The following TRPC6 variants were observed in gnomAD, a reference collection of about 807,000 sequenced individuals.
The protein encoded by TRPC6 is short transient receptor potential channel 6.
Under a neutral mutation model 90.7 loss-of-function variants are expected in TRPC6, and 55 were observed. The ratio of observed to expected loss-of-function variants is 0.61; its 90% CI spans 0.49 to 0.76. The LOEUF (loss-of-function observed/expected upper bound fraction) is 0.76. Among genes scored for constraint, TRPC6 ranks in the 30% least tolerant of loss-of-function variants. TRPC6 has a pLI of 0.00. For missense variants in TRPC6, 989 were observed against 1,122.7 expected (o/e 0.88, Z 1.70); for synonymous variants, 393 against 393.0 (o/e 1.00, Z 0.00).
intron 1 of TRPC6, among the ~76,000 whole-genome samples, chr11:101,555,915 G>A (rs926650568): frequency 6.6e-6 from 1 of 152,118 alleles, no homozygotes; most frequent in African/African-American, 2.4e-5. Context: ...GTAACAGGGG[G>A]ACTTTGGAAA....
At chr11:101,495,193 AAC>A (rs560734447) in intron 2 of TRPC6, among the ~76,000 whole-genome samples, 1 of 152,250 alleles carries the variant, frequency 6.6e-6, no homozygotes, top group Non-Finnish European at 1.5e-5. Context: ...GGGCTAATGA[AAC>A]ACAGTTTAGA....
chr11:101,520,524 C>G (rs1051892696), intron 1 of TRPC6, among the ~76,000 whole-genome samples: 1 of 152,112 alleles, frequency 6.6e-6, no homozygotes, highest in Admixed American at 6.5e-5. Flanking sequence ...GAGGTTGGAA[C>G]AGTTTGGAGG....
chr11:101,454,383 G>T (rs1386285603), intron 11 of TRPC6, among the ~76,000 whole-genome samples: 1 of 151,910 alleles, frequency 6.6e-6, no homozygotes, highest in Non-Finnish European at 1.5e-5. Flanking sequence ...CTAAAGATAT[G>T]ATTTAGTACA....
chr11:101,478,230 G>A (rs554495023), intron 5 of TRPC6, among the ~76,000 whole-genome samples: 4 of 152,318 alleles, frequency 2.6e-5, no homozygotes, highest in South Asian at 2.1e-4. Context: ...GCAGCATAGA[G>A]GACATGGATT....
chr11:101,534,721 C>T (rs1358049257), intron 1 of TRPC6, among the ~76,000 whole-genome samples: 1 of 152,164 alleles, frequency 6.6e-6, no homozygotes, highest in Non-Finnish European at 1.5e-5. Flanking sequence ...AGATGGTTCA[C>T]ATCTTTTTAA....
rs766792604 is a variant in TRPC6, at chr11:101,483,079, A to G, written c.1380T>C (p.Asn460=). ...TTGTGCCTTCAAATCTGTCAGCTGC[A>G]TTCATGACTAGCAGTCCCAGAAAAA... ...FTIFLGLLVM[N]AADRFEGTKL... Residue 460 remains asparagine, a synonymous_variant, in exon 5 of 13, where the codon AAT becomes AAC. Transcript: ENST00000344327. 1 of 1,614,094 alleles carries G rather than the reference A, an allele frequency of 6.2e-7. No individual in the cohort carries two copies. The highest frequency in any genetic ancestry group is 8.5e-7 in the Non-Finnish European group (1 of 1,179,964).
chr11:101,559,489 A>G (rs1420960535), intron 1 of TRPC6, among the ~76,000 whole-genome samples: 1 of 151,906 alleles, frequency 6.6e-6, no homozygotes, highest in Non-Finnish European at 1.5e-5. Context: ...ATCATGACAT[A>G]TCATGAATAC....
At position 101,487,995 on chromosome 11, in the gene TRPC6, G is replaced by A. The variant is rs147244436; in HGVS notation, c.1293+942C>T. Among the ~76,000 whole-genome samples, 818 of 152,196 alleles carry A rather than the reference G, an allele frequency of 5.4e-3. 3 individuals carry two copies. The highest frequency in any genetic ancestry group is 0.019 in the African/African-American group (777 of 41,540). On this transcript the variant is annotated intron_variant, in intron 4 of 12. Coordinates refer to ENST00000344327, the MANE Select transcript of TRPC6 (RefSeq NM_004621.6). Reference sequence around the variant, plus strand: ...TAGTAATGGTGATGTTTGTGTTTGCGCCCACATATTACGAATGTTTGAAAA... The same window carrying A: ...TAGTAATGGTGATGTTTGTGTTTGCACCCACATATTACGAATGTTTGAAAA...
chr11:101,507,886 T>G (rs1309542072), intron 1 of TRPC6, among the ~76,000 whole-genome samples: 1 of 152,166 alleles, frequency 6.6e-6, no homozygotes, highest in African/African-American at 2.4e-5. Context: ...CTGCTTTCAA[T>G]GTACCATTTC....
At chr11:101,574,052 T>G (rs10895144) in intron 1 of TRPC6, among the ~76,000 whole-genome samples, 107,297 of 149,776 alleles carry the variant, frequency 0.72, 39,603 homozygotes, top group East Asian at 0.99. Context: ...CTCAAAACAG[T>G]CTACCTCTAT....
chr11:101,510,044 G>T lies in TRPC6; in HGVS notation c.171-5246C>A, dbSNP rs555631380. Among the ~76,000 whole-genome samples, 3 of 152,256 alleles carry T rather than the reference G, an allele frequency of 2.0e-5. No homozygotes were observed. The South Asian group carries it at 6.2e-4, about 32-fold the overall frequency. On this transcript the variant is annotated intron_variant, in intron 1 of 12. Coordinates refer to ENST00000344327, the MANE Select transcript of TRPC6 (RefSeq NM_004621.6). Reference sequence around the variant, plus strand: ...GGATTCAGCACCCCTTGCATGAGTAGTAAGACACAGTAAAAGCTGCTTGTA... The same window carrying T: ...GGATTCAGCACCCCTTGCATGAGTATTAAGACACAGTAAAAGCTGCTTGTA...
At chr11:101,470,634 T>A (rs1040557096) in intron 9 of TRPC6, among the ~76,000 whole-genome samples, 1 of 152,200 alleles carries the variant, frequency 6.6e-6, no homozygotes, top group African/African-American at 2.4e-5. Context: ...TAAATCTTTT[T>A]ATTTTTTTTA....
At chr11:101,554,663 C>T (rs1220871371) in intron 1 of TRPC6, among the ~76,000 whole-genome samples, 1 of 152,014 alleles carries the variant, frequency 6.6e-6, no homozygotes, top group Non-Finnish European at 1.5e-5. Context: ...ATTTCTTTCC[C>T]TGCATCACCC....
At chr11:101,476,156 C>T in intron 6 of TRPC6, 145 bp downstream of exon 6, 1 of 700,762 alleles carries the variant, frequency 1.4e-6, no homozygotes, top group Non-Finnish European at 2.4e-6. Flanking sequence ...TGCTTCCTCA[C>T]ATATAGATGC....
At chr11:101,508,015 C>T (rs573614846) in intron 1 of TRPC6, among the ~76,000 whole-genome samples, 4 of 151,914 alleles carry the variant, frequency 2.6e-5, no homozygotes, top group Non-Finnish European at 5.9e-5. Flanking sequence ...ATTTCTTCAA[C>T]TTTAGATTAT....
chr11:101,574,316 G>A (rs1172650928), intron 1 of TRPC6, among the ~76,000 whole-genome samples: 1 of 150,794 alleles, frequency 6.6e-6, no homozygotes, highest in African/African-American at 2.5e-5. Flanking sequence ...AGTTATATAT[G>A]ATCCAAATCT....
chr11:101,520,724 G>C (rs575068808), intron 1 of TRPC6, among the ~76,000 whole-genome samples: 1 of 152,318 alleles, frequency 6.6e-6, no homozygotes, highest in African/African-American at 2.4e-5. Flanking sequence ...GGTGGTCTCA[G>C]ATGGAGATGA....
At chr11:101,486,837 T>C (rs1239846174) in intron 4 of TRPC6, among the ~76,000 whole-genome samples, 8 of 152,154 alleles carry the variant, frequency 5.3e-5, no homozygotes, top group Non-Finnish European at 1.2e-4. Flanking sequence ...AAAAATCCTG[T>C]GGCCTGTAAA....
chr11:101,559,797 A>T (rs1324421991), intron 1 of TRPC6, among the ~76,000 whole-genome samples: 1 of 54,642 alleles, frequency 1.8e-5, no homozygotes, highest in Admixed American at 2.5e-4. Flanking sequence ...CCCCCACCCC[A>T]CAACAGGCCC....
Sources: allele counts gnomAD v4.1 joint callset (sites outside exome capture counted in the v4.1 genomes callset), GRCh38; gene constraint gnomAD v4.1.1; transcripts MANE v1.5; gene names NCBI Gene and HGNC (gene_info 2026-07-23, HGNC 2026-07-21).